Variants in PCDH11X observed in about 807,000 individuals in gnomAD.
The protein encoded by PCDH11X is protocadherin-11 X-linked.
In PCDH11X, 18 loss-of-function variants were observed where a neutral mutation model predicts 53.3. That is an observed-to-expected ratio of 0.34 (90% CI 0.23 to 0.50). PCDH11X has a LOEUF of 0.50. PCDH11X is among the 20% of genes least tolerant of loss of function. The probability of loss-of-function intolerance (pLI) is 0.98; values close to 1 mark genes in which losing one functional copy is unlikely to be tolerated. For synonymous variants in PCDH11X, 279 were observed against 393.3 expected, an observed-to-expected ratio of 0.71 and a Z score of 3.44; for missense variants, 570 against 1,032.4, an observed-to-expected ratio of 0.55 and a Z score of 6.14.
intron 7 of PCDH11X, among the ~76,000 whole-genome samples, chrX:92,235,550 G>A (rs1363010701): frequency 9.0e-6 from 1 of 111,522 alleles, no homozygotes; most frequent in East Asian, 2.8e-4. Flanking sequence ...TCTGCAGATG[G>A]AATTTTAAAA....
At chrX:92,563,872 AAAT>A (rs1333238617) in intron 10 of PCDH11X, among the ~76,000 whole-genome samples, 1 of 111,146 alleles carries the variant, frequency 9.0e-6, no homozygotes, top group East Asian at 2.8e-4. Context: ...AACCAATAAA[AAAT>A]AATGATGAAA....
At chrX:92,242,008 A>G (rs2067269976) in intron 7 of PCDH11X, among the ~76,000 whole-genome samples, 1 of 109,563 alleles carries the variant, frequency 9.1e-6, no homozygotes, top group African/African-American at 3.3e-5. Flanking sequence ...GAGGCAGGAG[A>G]ATCGTTTGAA....
chrX:92,290,741 C>A, intron 8 of PCDH11X, among the ~76,000 whole-genome samples: 1 of 103,938 alleles, frequency 9.6e-6, no homozygotes, highest in Middle Eastern at 5.1e-3. Flanking sequence ...TTTCAGGAGG[C>A]AAAGTTATTG....
intron 8 of PCDH11X, among the ~76,000 whole-genome samples, chrX:92,281,003 G>A (rs181838947): frequency 6.3e-5 from 7 of 111,365 alleles, no homozygotes; most frequent in African/African-American, 9.8e-5. Context: ...CTAAGCAGAA[G>A]CATCTGTGTT....
intron 6 of PCDH11X, among the ~76,000 whole-genome samples, chrX:91,922,922 A>G (rs1311844105): frequency 1.8e-5 from 2 of 111,263 alleles, no homozygotes; most frequent in Admixed American, 1.9e-4. Flanking sequence ...TTTAAGGCAA[A>G]TTCAGATGAC....
intron 6 of PCDH11X, among the ~76,000 whole-genome samples, chrX:92,058,981 C>T (rs2063489521): frequency 9.1e-6 from 1 of 110,298 alleles, no homozygotes; most frequent in Non-Finnish European, 1.9e-5. Flanking sequence ...TATATGTTCC[C>T]AAGTGTTTCT....
intron 9 of PCDH11X, among the ~76,000 whole-genome samples, chrX:92,409,186 A>T (rs1324249432): frequency 5.6e-5 from 6 of 108,015 alleles, no homozygotes; most frequent in Non-Finnish European, 1.1e-4. Context: ...ATCATGCAGG[A>T]CCCATTTGTG....
At chrX:91,986,804 A>T (rs1019793931) in intron 6 of PCDH11X, among the ~76,000 whole-genome samples, 1 of 108,944 alleles carries the variant, frequency 9.2e-6, no homozygotes, top group Non-Finnish European at 1.9e-5. Context: ...AAGGACCTTA[A>T]CCTTAATCAC....
rs747946742 is a variant in PCDH11X, at chrX:91,838,478, C to A, written c.540+2434C>A. Reference sequence around the variant, plus strand: ...AATGAGAATGGAACACAAAGCATAGCCCCAGGCATGCAGAGGGCCATGACA... The same window carrying A: ...AATGAGAATGGAACACAAAGCATAGACCCAGGCATGCAGAGGGCCATGACA... On this transcript the variant is annotated intron_variant, in intron 5 of 10. Transcript: ENST00000682573. Among the ~76,000 whole-genome samples, 7 of 111,518 alleles carry A rather than the reference C, an allele frequency of 6.3e-5. No homozygotes were observed. In the South Asian group the frequency reaches 2.7e-3, roughly 42 times the overall value.
intron 6 of PCDH11X, among the ~76,000 whole-genome samples, chrX:92,168,306 C>A (rs1043500898): frequency 3.6e-5 from 4 of 110,627 alleles, no homozygotes; most frequent in African/African-American, 1.3e-4. Context: ...CACCTGTAAA[C>A]CCACCACTTT....
chrX:91,806,319 G>A lies in PCDH11X; in HGVS notation c.-378-3147G>A, dbSNP rs184724640. Among the ~76,000 whole-genome samples, 628 of 113,524 alleles carry A rather than the reference G, an allele frequency of 5.5e-3. 3 individuals carry two copies. Among genetic ancestry groups the A allele is most frequent in the Non-Finnish European group, 9.2e-3 (488 of 53,307 alleles). The stretch of plus-strand genomic sequence containing the variant: ...GAAAATGTTGTTTCTTTAAAAAGGG[G>A]ACAAAGGGCATTTGATGCTTCTCAC... On this transcript the variant is annotated intron_variant, in intron 1 of 10. Transcript: ENST00000682573.
chrX:92,566,741 CA>C (rs1047179898), intron 10 of PCDH11X, among the ~76,000 whole-genome samples: 5 of 111,947 alleles, frequency 4.5e-5, no homozygotes, highest in Non-Finnish European at 9.4e-5. Context: ...GGGCACTGAG[CA>C]TTTAACTTTA....
At chrX:92,047,157 A>G (rs1354180133) in intron 6 of PCDH11X, among the ~76,000 whole-genome samples, 1 of 79,204 alleles carries the variant, frequency 1.3e-5, no homozygotes, top group Non-Finnish European at 2.1e-5. Context: ...TTAAACACAC[A>G]CTATCTCCTT....
chrX:92,282,026 G>T (rs2068260812), intron 8 of PCDH11X, among the ~76,000 whole-genome samples: 1 of 110,377 alleles, frequency 9.1e-6, no homozygotes. Flanking sequence ...AAATGAAGAA[G>T]ATAAAGAAGA....
intron 6 of PCDH11X, among the ~76,000 whole-genome samples, chrX:92,135,757 T>TTGTGTA (rs772893959): frequency 1.1e-3 from 109 of 100,188 alleles, no homozygotes; most frequent in African/African-American, 3.9e-3. Flanking sequence ...GTGTGCATGT[T>TTGTGTA]TGTGTGTGTG....
rs756042525 is a variant in PCDH11X at position 92,374,522 on chromosome X, CT to C, written c.3145-13210del. Among the ~76,000 whole-genome samples, 114 of 107,097 alleles carry C rather than the reference CT, an allele frequency of 1.1e-3. 2 individuals carry two copies. In the East Asian group the frequency reaches 0.031, roughly 29 times the overall value. The allele number at this position is 107,097 out of a possible 115,157, so 93.0% of individuals were successfully genotyped here. On this transcript the variant is annotated intron_variant, in intron 8 of 10. Coordinates refer to ENST00000682573, the MANE Select transcript of PCDH11X (RefSeq NM_032968.5). Reference sequence around the variant, plus strand: ...ATAGTCAGGAAGACCTTTATCAATACTTTAGAATATCAATGAAAAGTCTTTT... The same window carrying C: ...ATAGTCAGGAAGACCTTTATCAATACTTAGAATATCAATGAAAAGTCTTTT...
intron 6 of PCDH11X, among the ~76,000 whole-genome samples, chrX:92,017,653 C>T (rs1362063252): frequency 9.9e-6 from 1 of 101,521 alleles, no homozygotes; most frequent in Non-Finnish European, 2.0e-5. Context: ...GCTGAGAAGC[C>T]AAGATGGTGC....
chrX:92,122,194 G>T (rs2064782975), intron 6 of PCDH11X, among the ~76,000 whole-genome samples: 1 of 109,722 alleles, frequency 9.1e-6, no homozygotes, highest in South Asian at 4.0e-4. Context: ...TGTTGGCCAG[G>T]CTGGTCTCGA....
chrX:92,288,115 C>T (rs1215593921), intron 8 of PCDH11X: 9 of 437,823 alleles, frequency 2.1e-5, no homozygotes, highest in South Asian at 3.7e-5. Flanking sequence ...TTCTTTATAG[C>T]TGTGTGAGAA....
Sources: gnomAD v4.1 joint callset for allele counts (sites outside exome capture counted in the v4.1 genomes callset) on GRCh38, gnomAD v4.1.1 for gene constraint, MANE v1.5 for transcripts, NCBI Gene and HGNC (gene_info 2026-07-23, HGNC 2026-07-21) for gene names.